The following CACNB2 variants were observed in gnomAD, a reference collection of about 807,000 sequenced individuals.
CACNB2 encodes voltage-dependent L-type calcium channel subunit beta-2.
In CACNB2, 42 loss-of-function variants were observed where a neutral mutation model predicts 73.3. The ratio of observed to expected loss-of-function variants is 0.57; its 90% CI spans 0.45 to 0.74. CACNB2 has a LOEUF of 0.74. CACNB2 is among the 30% of genes least tolerant of loss of function. The pLI, the probability that CACNB2 is intolerant of heterozygous loss-of-function variation, is 0.00. For missense variants in CACNB2, 940 were observed against 853.0 expected, an observed-to-expected ratio of 1.10 and a Z score of -1.27; for synonymous variants, 348 against 310.3, an observed-to-expected ratio of 1.12 and a Z score of -1.28.
chr10:18,381,300 C>T (rs539576529), intron 2 of CACNB2, among the ~76,000 whole-genome samples: 1 of 151,602 alleles, frequency 6.6e-6, no homozygotes, highest in Non-Finnish European at 1.5e-5. Flanking sequence ...TATGAACTCT[C>T]GTACATTACT....
At chr10:18,354,751 C>T (rs185505898) in intron 2 of CACNB2, among the ~76,000 whole-genome samples, 1 of 152,224 alleles carries the variant, frequency 6.6e-6, no homozygotes, top group Admixed American at 6.5e-5. Flanking sequence ...TGGGCAGTAG[C>T]TTTTCCGGTT....
At chr10:18,281,040 T>C (rs1033672104) in intron 2 of CACNB2, among the ~76,000 whole-genome samples, 17 of 152,176 alleles carry the variant, frequency 1.1e-4, no homozygotes, top group Admixed American at 2.6e-4. Context: ...ATTTTGTAGG[T>C]TGAGGTGTCT....
chr10:18,514,126 C>T (rs2051043719), intron 6 of CACNB2, 110 bp from the exon 7 acceptor site: 3 of 1,135,598 alleles, frequency 2.6e-6, no homozygotes, highest in African/African-American at 1.5e-5. Context: ...GTGTTGAGCA[C>T]TCATGATAGT....
Position 18,358,553 on chromosome 10 carries a change from G to GCT in CACNB2, c.214-43354_214-43353dup, listed in dbSNP as rs375264403. 4.1e-3 allele frequency among the ~76,000 whole-genome samples: 145 copies of GCT among 35,026 alleles called. 1 individual carries two copies. Among genetic ancestry groups the GCT allele is most frequent in the African/African-American group, 0.013 (122 of 9,726 alleles). The allele number at this position is 35,026 out of a possible 152,430, so 23.0% of individuals were successfully genotyped here. A position where few individuals can be genotyped will look rare whatever the true frequency, so the allele number is the denominator to read the frequency against. Reference sequence around the variant, plus strand: ...CTCTCTCTCTCTCTCTCTCTCTCTCGCTCTCTCTCTCTCTCTCTGGAACTG... The same window carrying GCT: ...CTCTCTCTCTCTCTCTCTCTCTCTCGCTCTCTCTCTCTCTCTCTCTGGAACTG... On this transcript the variant is annotated intron_variant, in intron 2 of 13. Coordinates refer to ENST00000324631, the MANE Select transcript of CACNB2 (RefSeq NM_201596.3).
chr10:18,412,916 A>C (rs1420235546), intron 3 of CACNB2, among the ~76,000 whole-genome samples: 1 of 152,236 alleles, frequency 6.6e-6, no homozygotes, highest in Non-Finnish European at 1.5e-5. Flanking sequence ...CGTTGTACCC[A>C]GGATTCAGCC....
At chr10:18,462,305 G>A (rs1196352891) in intron 3 of CACNB2, among the ~76,000 whole-genome samples, 1 of 152,194 alleles carries the variant, frequency 6.6e-6, no homozygotes, top group African/African-American at 2.4e-5. Flanking sequence ...CCAGGCTGGA[G>A]TGCAGTGGTA....
chr10:18,204,396 A>G (rs867032185), intron 2 of CACNB2, among the ~76,000 whole-genome samples: 1 of 152,238 alleles, frequency 6.6e-6, no homozygotes, highest in Non-Finnish European at 1.5e-5. Context: ...TGGACCTAAC[A>G]TTATTTGTAG....
intron 2 of CACNB2, among the ~76,000 whole-genome samples, chr10:18,357,990 A>G (rs527708290): frequency 6.6e-6 from 1 of 152,316 alleles, no homozygotes; most frequent in East Asian, 1.9e-4. Flanking sequence ...CATCCAGCAC[A>G]TCATTGTCGC....
At chr10:18,536,426 CTTT>C (rs904440674) in intron 12 of CACNB2, among the ~76,000 whole-genome samples, 2 of 148,162 alleles carry the variant, frequency 1.3e-5, no homozygotes, top group African/African-American at 5.0e-5. Context: ...GATCGGCTAA[CTTT>C]TTTTTTTCCC....
intron 2 of CACNB2, among the ~76,000 whole-genome samples, chr10:18,362,329 G>A (rs950168602): frequency 4.6e-5 from 7 of 151,958 alleles, no homozygotes; most frequent in African/African-American, 1.7e-4. Flanking sequence ...AGCTATTAAG[G>A]GTTTTCTAAA....
chr10:18,377,256 A>AC (rs2042838291), intron 2 of CACNB2, among the ~76,000 whole-genome samples: 1 of 152,114 alleles, frequency 6.6e-6, no homozygotes. Context: ...CTAAAGTTAA[A>AC]CTCCTCCATT....
intron 2 of CACNB2, among the ~76,000 whole-genome samples, chr10:18,192,552 C>T (rs186531507): frequency 6.6e-4 from 100 of 152,160 alleles, no homozygotes; most frequent in Non-Finnish European, 1.1e-3. Flanking sequence ...AATACATTCA[C>T]GATGTTGTGT....
rs374134533 is a variant in CACNB2, at chr10:18,171,050, G to A, written c.213+20075G>A. ...GGCTGCATCATTAAACGCACACTCTGCCTACCTGCAGAGAAAATCGCTGTT... is the reference window on the plus strand; with the variant it reads ...GGCTGCATCATTAAACGCACACTCTACCTACCTGCAGAGAAAATCGCTGTT... On this transcript the variant is annotated intron_variant, in intron 2 of 13. Coordinates refer to ENST00000324631, the MANE Select transcript of CACNB2 (RefSeq NM_201596.3). 1.1e-4 allele frequency among the ~76,000 whole-genome samples: 17 copies of A among 152,298 alleles called. No homozygotes were observed. The East Asian group carries it at 2.7e-3, about 24-fold the overall frequency.
intron 2 of CACNB2, among the ~76,000 whole-genome samples, chr10:18,209,322 G>T (rs1223992092): frequency 6.6e-6 from 1 of 152,144 alleles, no homozygotes; most frequent in Non-Finnish European, 1.5e-5. Flanking sequence ...TGTTTCTCCA[G>T]GGGCTTTCTG....
chr10:18,451,561 A>C (rs1046257714), intron 3 of CACNB2, among the ~76,000 whole-genome samples: 4 of 152,216 alleles, frequency 2.6e-5, no homozygotes, highest in African/African-American at 9.6e-5. Flanking sequence ...CAATGTCTTT[A>C]GGGCTGTGTT....
At chr10:18,391,910 A>C (rs1292489594) in intron 2 of CACNB2, among the ~76,000 whole-genome samples, 1 of 135,448 alleles carries the variant, frequency 7.4e-6, no homozygotes, top group Non-Finnish European at 1.6e-5. Flanking sequence ...CCTGAGTGAC[A>C]GAGTAAGACC....
At chr10:18,381,396 T>C (rs945502761) in intron 2 of CACNB2, among the ~76,000 whole-genome samples, 25 of 152,008 alleles carry the variant, frequency 1.6e-4, no homozygotes, top group African/African-American at 5.5e-4. Flanking sequence ...TCAAAAGACA[T>C]GTATAAGAAT....
intron 2 of CACNB2, among the ~76,000 whole-genome samples, chr10:18,273,469 C>T (rs1272934292): frequency 6.6e-6 from 1 of 151,590 alleles, no homozygotes; most frequent in Non-Finnish European, 1.5e-5. Context: ...TTTATGATAC[C>T]ATTTTTAAAA....
At chr10:18,409,799 C>T (rs112986010) in intron 3 of CACNB2, among the ~76,000 whole-genome samples, 2,836 of 152,186 alleles carry the variant, frequency 0.019, 98 homozygotes, top group African/African-American at 0.064. Flanking sequence ...TCTATTGGAC[C>T]GCTCACAGGC....
Sources: gnomAD v4.1 joint callset for allele counts (sites outside exome capture counted in the v4.1 genomes callset) on GRCh38, gnomAD v4.1.1 for gene constraint, MANE v1.5 for transcripts, NCBI Gene and HGNC (gene_info 2026-07-23, HGNC 2026-07-21) for gene names.